Variants in LRRC4C observed in about 807,000 individuals in gnomAD.
LRRC4C encodes the protein leucine-rich repeat-containing protein 4C.
A neutral mutation model predicts 33.6 loss-of-function variants in LRRC4C; 5 were observed. The ratio of observed to expected loss-of-function variants is 0.15; its 90% CI spans 0.08 to 0.31. The LOEUF (loss-of-function observed/expected upper bound fraction) is 0.31. LRRC4C is among the 10% of genes least tolerant of loss of function. The pLI is 1.00. For synonymous variants in LRRC4C, 329 were observed against 302.0 expected, an observed-to-expected ratio of 1.09 and a Z score of -0.93; for missense variants, 560 against 796.7, an observed-to-expected ratio of 0.70 and a Z score of 3.58.
chr11:41,438,793 T>C (rs1432644034), intron 1 of LRRC4C, among the ~76,000 whole-genome samples: 1 of 152,210 alleles, frequency 6.6e-6, no homozygotes, highest in Non-Finnish European at 1.5e-5. Context: ...TCATTTAATA[T>C]ATATTGAATG....
chr11:40,458,465 C>T (rs987451236), intron 3 of LRRC4C, among the ~76,000 whole-genome samples: 10 of 152,260 alleles, frequency 6.6e-5, no homozygotes, highest in Middle Eastern at 3.4e-3. Flanking sequence ...GTCTTTCAAA[C>T]ATCATAAAAT....
chr11:41,338,959 A>C (rs981777795), intron 1 of LRRC4C, among the ~76,000 whole-genome samples: 1 of 152,172 alleles, frequency 6.6e-6, no homozygotes, highest in East Asian at 1.9e-4. Context: ...ATAAAATAAA[A>C]TGAAATACGA....
chr11:41,028,022 TC>T (rs139447972), intron 1 of LRRC4C, among the ~76,000 whole-genome samples: 14,315 of 151,614 alleles, frequency 0.094, 730 homozygotes, highest in African/African-American at 0.12. Flanking sequence ...GGAAGAAAAC[TC>T]CTAGCCACTG....
Position 41,439,753 on chromosome 11 carries a change from G to A in LRRC4C, c.-496+19678C>T, listed in dbSNP as rs75036681. Among the ~76,000 whole-genome samples, 745 of 152,304 alleles carry A rather than the reference G, an allele frequency of 4.9e-3. 30 individuals are homozygous for A. The East Asian group carries it at 0.089, about 18-fold the overall frequency. ...GGAAGACAACACAGAGATGGTGGCTGTGTGGAAAGTCCCAGTTTAGTTAGT... is the reference window on the plus strand; with the variant it reads ...GGAAGACAACACAGAGATGGTGGCTATGTGGAAAGTCCCAGTTTAGTTAGT... On this transcript the variant is annotated intron_variant, in intron 1 of 6. Coordinates refer to ENST00000528697, the MANE Select transcript of LRRC4C (RefSeq NM_001258419.2).
chr11:41,081,468 G>C (rs895072218), intron 1 of LRRC4C, among the ~76,000 whole-genome samples: 2 of 152,070 alleles, frequency 1.3e-5, no homozygotes, highest in Non-Finnish European at 2.9e-5. Flanking sequence ...CTACTTGCTG[G>C]CTTCAAAAGG....
At chr11:40,535,508 C>G (rs997481663) in intron 3 of LRRC4C, among the ~76,000 whole-genome samples, 1 of 152,180 alleles carries the variant, frequency 6.6e-6, no homozygotes, top group Non-Finnish European at 1.5e-5. Flanking sequence ...ATAATTAATA[C>G]AAGTGCAATG....
intron 3 of LRRC4C, among the ~76,000 whole-genome samples, chr11:40,453,638 C>A (rs536302244): frequency 7.0e-6 from 1 of 143,482 alleles, no homozygotes; most frequent in Non-Finnish European, 1.5e-5. Flanking sequence ...CAACTACGGA[C>A]CAATATCCCT....
intron 2 of LRRC4C, among the ~76,000 whole-genome samples, chr11:40,674,075 T>A (rs554981021): frequency 6.6e-5 from 10 of 152,300 alleles, no homozygotes; most frequent in Non-Finnish European, 1.3e-4. Flanking sequence ...ATGCAATGCT[T>A]TAATACTGTT....
intron 1 of LRRC4C, among the ~76,000 whole-genome samples, chr11:41,265,279 C>A (rs1949112659): frequency 6.6e-6 from 1 of 152,018 alleles, no homozygotes; most frequent in Non-Finnish European, 1.5e-5. Context: ...TGCAGGTGAA[C>A]AAACCAATGA....
At chr11:41,186,388 A>G in intron 1 of LRRC4C, among the ~76,000 whole-genome samples, 1 of 152,234 alleles carries the variant, frequency 6.6e-6, no homozygotes, top group Non-Finnish European at 1.5e-5. Flanking sequence ...TTTTATAACC[A>G]TATTTCAAGT....
intron 4 of LRRC4C, among the ~76,000 whole-genome samples, chr11:40,287,000 A>C (rs150009609): frequency 6.6e-6 from 1 of 152,160 alleles, no homozygotes; most frequent in Non-Finnish European, 1.5e-5. Flanking sequence ...CAATAATTAT[A>C]TATTTTTAAT....
At chr11:40,879,200 A>C (rs1278251039) in intron 2 of LRRC4C, among the ~76,000 whole-genome samples, 1 of 150,700 alleles carries the variant, frequency 6.6e-6, no homozygotes, top group Admixed American at 6.6e-5. Context: ...CAAACACAGA[A>C]AACTCAAGCT....
chr11:40,852,248 G>A (rs1214975283), intron 2 of LRRC4C, among the ~76,000 whole-genome samples: 2 of 151,856 alleles, frequency 1.3e-5, no homozygotes, highest in East Asian at 3.9e-4. Flanking sequence ...TGAGGACCCT[G>A]GTGAGTTGAA....
At chr11:40,630,923 G>A (rs1963432069) in intron 3 of LRRC4C, among the ~76,000 whole-genome samples, 1 of 152,068 alleles carries the variant, frequency 6.6e-6, no homozygotes, top group Non-Finnish European at 1.5e-5. Context: ...TTTCTCTGGG[G>A]CACAGTTTCT....
intron 2 of LRRC4C, among the ~76,000 whole-genome samples, chr11:40,648,725 A>G (rs990522662): frequency 2.0e-5 from 3 of 152,186 alleles, no homozygotes; most frequent in African/African-American, 7.2e-5. Flanking sequence ...TGCTATCCAC[A>G]CTGTCTAGCA....
chr11:41,413,813 T>C (rs981898724), intron 1 of LRRC4C, among the ~76,000 whole-genome samples: 2 of 152,222 alleles, frequency 1.3e-5, no homozygotes, highest in Non-Finnish European at 2.9e-5. Context: ...AACAGATGTG[T>C]AACTCAAACA....
At chr11:41,033,572 A>T (rs1316878146) in intron 1 of LRRC4C, among the ~76,000 whole-genome samples, 4 of 152,064 alleles carry the variant, frequency 2.6e-5, no homozygotes. Context: ...GAATCCTCTG[A>T]GTCCCAGACA....
At chr11:40,453,724 T>C (rs1285180035) in intron 3 of LRRC4C, among the ~76,000 whole-genome samples, 2 of 151,920 alleles carry the variant, frequency 1.3e-5, no homozygotes, top group Non-Finnish European at 1.5e-5. Context: ...GATTTGTATA[T>C]GCACATTATA....
At chr11:40,558,074 CTCTG>C (rs768252093) in intron 3 of LRRC4C, among the ~76,000 whole-genome samples, 139 of 152,282 alleles carry the variant, frequency 9.1e-4, no homozygotes, top group Non-Finnish European at 1.6e-3. Context: ...ATGAGAAGAT[CTCTG>C]TCTTTGAAAA....
Sources: gnomAD v4.1 joint callset for allele counts (sites outside exome capture counted in the v4.1 genomes callset) on GRCh38, gnomAD v4.1.1 for gene constraint, MANE v1.5 for transcripts, NCBI Gene and HGNC (gene_info 2026-07-23, HGNC 2026-07-21) for gene names.